SAMD5: variants seen among roughly 807,000 people sequenced by gnomAD.
SAMD5 encodes the protein sterile alpha motif domain containing 5, also known as sterile alpha motif domain-containing protein 5.
In SAMD5, 13 loss-of-function variants were observed where a neutral mutation model predicts 11.3. That is an observed-to-expected ratio of 1.15 (90% CI 0.75 to 1.83). The LOEUF is 1.83. SAMD5 is among the 40% of genes most tolerant of loss of function. The probability of loss-of-function intolerance (pLI) is 0.00; values close to 1 mark genes in which losing one functional copy is unlikely to be tolerated. For synonymous variants in SAMD5, 129 were observed against 111.3 expected (o/e 1.16, Z -1.00); for missense variants, 255 against 239.1 (o/e 1.07, Z -0.44).
the SAMD5 span, among the ~76,000 whole-genome samples, chr6:147,852,789 C>T: frequency 7.9e-5 from 12 of 152,144 alleles, no homozygotes; most frequent in South Asian, 4.1e-4. Flanking sequence ...AAGAACTACC[C>T]TTTTCTTCCT....
intron 1 of SAMD5, among the ~76,000 whole-genome samples, chr6:147,637,408 G>A (rs1451545446): frequency 6.6e-6 from 1 of 152,156 alleles, no homozygotes; most frequent in Non-Finnish European, 1.5e-5. Context: ...AAATAAAAGT[G>A]GAGCTGATAA....
rs1303094361 is a variant in SAMD5, at chr6:147,667,741, T to C, written c.163-69576T>C. Reference sequence around the variant, plus strand: ...GCATGTCTCCTAGAATTACTCAAAGTTTCCTTATTTTCTTCTTCTGTCTCC... The same window carrying C: ...GCATGTCTCCTAGAATTACTCAAAGCTTCCTTATTTTCTTCTTCTGTCTCC... On this transcript the variant is annotated intron_variant, in intron 1 of 1. Transcript: ENST00000566741. 4.6e-5 allele frequency among the ~76,000 whole-genome samples: 7 copies of C among 152,228 alleles called. No homozygotes were observed. The South Asian group carries it at 1.0e-3, about 22-fold the overall frequency.
chr6:147,806,423 A>G, the SAMD5 span, among the ~76,000 whole-genome samples: 1 of 152,152 alleles, frequency 6.6e-6, no homozygotes, highest in Non-Finnish European at 1.5e-5. Context: ...AGATGTGTCA[A>G]TTGCCCAAGT....
At chr6:147,913,642 G>A in the SAMD5 span, among the ~76,000 whole-genome samples, 1 of 152,136 alleles carries the variant, frequency 6.6e-6, no homozygotes, top group African/African-American at 2.4e-5. Context: ...GTTGCAGTGA[G>A]CTGAGATCAC....
the SAMD5 span, among the ~76,000 whole-genome samples, chr6:147,820,474 T>C: frequency 6.6e-6 from 1 of 152,220 alleles, no homozygotes; most frequent in East Asian, 1.9e-4. Flanking sequence ...TTTTTCAGTC[T>C]TAATGATTTG....
At chr6:147,609,437 G>A (rs2128448952) in intron 1 of SAMD5, among the ~76,000 whole-genome samples, 1 of 152,324 alleles carries the variant, frequency 6.6e-6, no homozygotes, top group Middle Eastern at 3.4e-3. Context: ...TGTTGTTTAA[G>A]CCACCTAGTC....
At chr6:147,800,877 A>G in the SAMD5 span, among the ~76,000 whole-genome samples, 1 of 152,178 alleles carries the variant, frequency 6.6e-6, no homozygotes, top group African/African-American at 2.4e-5. Context: ...AAATGAAACT[A>G]TTCTAACCAA....
chr6:147,573,841 A>G (rs1789174047), downstream of SAMD5, among the ~76,000 whole-genome samples: 1 of 152,086 alleles, frequency 6.6e-6, no homozygotes, highest in African/African-American at 2.4e-5. Flanking sequence ...GCGTACATTC[A>G]TTGCCAGGCA....
At chr6:147,527,885 A>G (rs1788368212) in intron 1 of SAMD5, among the ~76,000 whole-genome samples, 1 of 152,202 alleles carries the variant, frequency 6.6e-6, no homozygotes, top group Admixed American at 6.5e-5. Context: ...GAAGCATAGC[A>G]CCATCTGCTT....
intron 1 of SAMD5, among the ~76,000 whole-genome samples, chr6:147,625,556 T>A (rs1790038457): frequency 6.6e-6 from 1 of 152,190 alleles, no homozygotes; most frequent in African/African-American, 2.4e-5. Flanking sequence ...TATAAGGATA[T>A]ATTAAGATTC....
chr6:147,797,236 C>T, the SAMD5 span, among the ~76,000 whole-genome samples: 2 of 142,512 alleles, frequency 1.4e-5, no homozygotes, highest in Non-Finnish European at 1.5e-5. Context: ...TTTTGAAATA[C>T]GTCCCATCAA....
chr6:147,538,416 T>G (rs1467894628), intron 1 of SAMD5, among the ~76,000 whole-genome samples: 2 of 152,236 alleles, frequency 1.3e-5, no homozygotes, highest in African/African-American at 4.8e-5. Context: ...TATAATCTTT[T>G]AACAAAAACA....
At chr6:147,745,596 A>C in the SAMD5 span, among the ~76,000 whole-genome samples, 1 of 152,094 alleles carries the variant, frequency 6.6e-6, no homozygotes, top group East Asian at 1.9e-4. Flanking sequence ...GTCCATCCAG[A>C]GTGGGTAAAC....
chr6:147,891,729 T>TACTGGG, the SAMD5 span, among the ~76,000 whole-genome samples: 1 of 152,026 alleles, frequency 6.6e-6, no homozygotes, highest in East Asian at 1.9e-4. Context: ...AGATCTAAGA[T>TACTGGG]GAAAGCTCAT....
Position 147,565,386 on chromosome 6 carries a change from T to TG in SAMD5, c.*936dup, listed in dbSNP as rs1221473087. On this transcript the variant is annotated 3_prime_UTR_variant, in exon 2 of 2. Coordinates refer to ENST00000367474, the MANE Select transcript of SAMD5 (RefSeq NM_001030060.3). ...GGCTGAAAAAGAAAGTAGATTGAGG[T>TG]GGGGGGAGGAAATTAACAGGAATCT... 1.2e-5 allele frequency: 12 copies of TG among 984,516 alleles called. No individual in the cohort carries two copies. The highest frequency in any genetic ancestry group is 5.3e-5 in the African/African-American group (3 of 56,930). 61.0% of individuals were successfully genotyped at this position (984,516 alleles called of 1,614,324 possible).
Position 147,540,940 on chromosome 6 carries a change from T to TA in SAMD5, c.460-23454_460-23453insA, listed in dbSNP as rs1164633872. On this transcript the variant is annotated intron_variant, in intron 1 of 1. Coordinates refer to ENST00000367474, the MANE Select transcript of SAMD5 (RefSeq NM_001030060.3). ...GTGGGGTTCAAGCCACGCGTTTTTTTTTTTTTTTTTTTTTTTTTTTGAGAA... is the reference window on the plus strand; with the variant it reads ...GTGGGGTTCAAGCCACGCGTTTTTTTATTTTTTTTTTTTTTTTTTTTGAGAA... Among the ~76,000 whole-genome samples the TA allele has an allele frequency of 1.8e-4, 25 of 136,368 alleles. 1 individual carries two copies. The highest frequency in any genetic ancestry group is 2.6e-4 in the South Asian group (1 of 3,806). 89.5% of individuals were successfully genotyped at this position (136,368 alleles called of 152,430 possible).
the SAMD5 span, among the ~76,000 whole-genome samples, chr6:147,900,424 G>A: frequency 6.6e-6 from 1 of 152,216 alleles, no homozygotes; most frequent in Non-Finnish European, 1.5e-5. Context: ...TTTTGCTGGA[G>A]ACGCAAAAGT....
the SAMD5 span, among the ~76,000 whole-genome samples, chr6:147,881,446 T>G: frequency 6.6e-6 from 1 of 152,164 alleles, no homozygotes; most frequent in South Asian, 2.1e-4. Flanking sequence ...GGCCTTGTCA[T>G]ATCCTCCCTG....
rs1290130226 is a variant in SAMD5 at position 147,566,616 on chromosome 6, A to G, written c.*2160A>G. The G allele has an allele frequency of 7.3e-5, 72 of 980,184 alleles. No individual in the cohort carries two copies. The highest frequency in any genetic ancestry group is 8.6e-5 in the Non-Finnish European group (71 of 824,930). The allele number at this position is 980,184 out of a possible 1,614,324, so 60.7% of individuals were successfully genotyped here. A position where few individuals can be genotyped will look rare whatever the true frequency, so the allele number is the denominator to read the frequency against. On this transcript the variant is annotated 3_prime_UTR_variant, in exon 2 of 2. Transcript: ENST00000367474. ...TCTATTAGAGTAATATCTAACTTCAATTATTTTGCCAGGTTTAAACCTTCT... is the reference window on the plus strand; with the variant it reads ...TCTATTAGAGTAATATCTAACTTCAGTTATTTTGCCAGGTTTAAACCTTCT...
Sources: allele counts gnomAD v4.1 joint callset (sites outside exome capture counted in the v4.1 genomes callset), GRCh38; gene constraint gnomAD v4.1.1; transcripts MANE v1.5; gene names NCBI Gene and HGNC (gene_info 2026-07-23, HGNC 2026-07-21).